Variants in PLCB1 observed in about 807,000 individuals in gnomAD.
The protein encoded by PLCB1 is phospholipase C beta 1.
PLCB1 carries 46 observed loss-of-function variants against 161.8 expected under a neutral mutation model. The ratio of observed to expected loss-of-function variants is 0.28; its 90% CI spans 0.22 to 0.36. The LOEUF (loss-of-function observed/expected upper bound fraction) is 0.36, where lower values mean the gene tolerates loss of function less well. Ranked by LOEUF, PLCB1 falls within the 10% of genes least tolerant of loss-of-function variation. The probability of loss-of-function intolerance (pLI) is 1.00; values close to 1 mark genes in which losing one functional copy is unlikely to be tolerated. For missense variants in PLCB1, 1,016 were observed against 1,472.5 expected (o/e 0.69, Z 5.07); for synonymous variants, 517 against 503.7 (o/e 1.03, Z -0.35).
At chr20:8,730,045 A>C in intron 18 of PLCB1, 1 of 152,110 alleles carries the variant, frequency 6.6e-6, no homozygotes, top group East Asian at 1.9e-4. Context: ...TTCTGCTTTT[A>C]TGAATTACAT....
At position 8,720,038 on chromosome 20, in the gene PLCB1, A is replaced by G. The variant is rs192985789; in HGVS notation, c.1513+2190A>G. 3.7e-3 allele frequency among the ~76,000 whole-genome samples: 558 copies of G among 152,146 alleles called. 5 individuals carry two copies. Among genetic ancestry groups the G allele is most frequent in the Admixed American group, 0.024 (365 of 15,286 alleles). On this transcript the variant is annotated intron_variant, in intron 14 of 31. Coordinates refer to ENST00000338037, the MANE Select transcript of PLCB1 (RefSeq NM_015192.4). ...ATCATTATTGTGCATGTCTTTCAAC[A>G]TTTTTTCAAAAATAATTTCTGTACT...
In PLCB1 at chr20:8,717,802, C is replaced by T. The variant is rs1319689571; in HGVS notation, c.1467C>T (p.Thr489=). 6.2e-7 allele frequency: 1 copy of T among 1,613,854 alleles called. No individual in the cohort carries two copies. Among genetic ancestry groups the T allele is most frequent in the Admixed American group, 1.7e-5 (1 of 59,972 alleles). Residue 489 remains threonine, a synonymous_variant, in exon 14 of 32, where the codon ACC becomes ACT. Transcript: ENST00000338037. ...AGCTCTCAGAACAAGCCTCCAACAC[C>T]TACAGTGACTCCTCCAGCATGTTCG... ...KKKLSEQASN[T]YSDSSSMFEP... is the part of the protein sequence containing the mutation.
chr20:8,765,298 A>C lies in PLCB1; in HGVS notation c.2870A>C (p.Asn957Thr). The change falls in exon 26 of 32, where the codon AAT (asparagine) becomes ACT (threonine). Residue 957 changes from asparagine (N) to threonine (T), a missense_variant. Physicochemically the swap from Asn to Thr is moderately conservative, Grantham distance 65. Around this residue, in one of 10 missense-constraint regions of PLCB1, gnomAD observed 398 missense variants for 445.4 expected, o/e 0.89. Coordinates refer to ENST00000338037, the MANE Select transcript of PLCB1 (RefSeq NM_015192.4). ...ACTACCAAGTATAATGAAATTCAGAATGACTACTTGAGAAGGAGAGCCGCT... is the reference window on the plus strand; with the variant it reads ...ACTACCAAGTATAATGAAATTCAGACTGACTACTTGAGAAGGAGAGCCGCT... ...EHTTKYNEIQ[N>T]DYLRRRAALE... is the part of the protein sequence containing the mutation. The C allele has an allele frequency of 6.2e-7, 1 of 1,614,186 alleles. No individual in the cohort carries two copies. The highest frequency in any genetic ancestry group is 2.2e-5 in the East Asian group (1 of 44,880).
chr20:8,391,765 A>G (rs1252738201), intron 3 of PLCB1, among the ~76,000 whole-genome samples: 1 of 32,310 alleles, frequency 3.1e-5, no homozygotes, highest in African/African-American at 1.5e-4. Context: ...ATAATGAAGT[A>G]TATATATATA....
chr20:8,164,182 TG>T (rs2051653822), intron 2 of PLCB1, among the ~76,000 whole-genome samples: 1 of 152,180 alleles, frequency 6.6e-6, no homozygotes, highest in Non-Finnish European at 1.5e-5. Context: ...TATGAGTCCT[TG>T]GCAAAGGATT....
intron 3 of PLCB1, among the ~76,000 whole-genome samples, chr20:8,461,435 C>T (rs1390386010): frequency 1.3e-5 from 2 of 152,132 alleles, no homozygotes; most frequent in African/African-American, 4.8e-5. Flanking sequence ...TTCCTCATCT[C>T]AAAATAGCAA....
chr20:8,835,826 C>G (rs1986256808), intron 31 of PLCB1, among the ~76,000 whole-genome samples: 1 of 101,062 alleles, frequency 9.9e-6, no homozygotes, highest in African/African-American at 2.7e-5. Flanking sequence ...TGAGCTTTGG[C>G]TGCATAACAA....
chr20:8,555,670 T>C (rs879746685), intron 3 of PLCB1, among the ~76,000 whole-genome samples: 1 of 152,132 alleles, frequency 6.6e-6, no homozygotes, highest in African/African-American at 2.4e-5. Flanking sequence ...TTTGTGTTAA[T>C]GATAAGGTAA....
chr20:8,195,237 G>A (rs1485298923), intron 2 of PLCB1, among the ~76,000 whole-genome samples: 1 of 151,950 alleles, frequency 6.6e-6, no homozygotes, highest in African/African-American at 2.4e-5. Flanking sequence ...TTCAAAAAAG[G>A]CTCAGAAGAT....
intron 18 of PLCB1, among the ~76,000 whole-genome samples, chr20:8,730,627 C>T (rs1391920686): frequency 6.6e-6 from 1 of 151,402 alleles, no homozygotes; most frequent in African/African-American, 2.4e-5. Context: ...TTTTCCTTGA[C>T]TACTAAAAAA....
intron 4 of PLCB1, among the ~76,000 whole-genome samples, chr20:8,639,228 T>A (rs949481378): frequency 1.3e-5 from 2 of 152,172 alleles, no homozygotes; most frequent in Non-Finnish European, 2.9e-5. Flanking sequence ...ATGTGCAGAA[T>A]GAGGTCATGC....
At chr20:8,581,245 T>C (rs1318240864) in intron 3 of PLCB1, among the ~76,000 whole-genome samples, 2 of 152,214 alleles carry the variant, frequency 1.3e-5, no homozygotes, top group Non-Finnish European at 2.9e-5. Flanking sequence ...TGTATTCATG[T>C]AGCTGAGAAC....
rs996652929 is a variant in PLCB1, at chr20:8,841,968, A to G, written c.3424-39654A>G. 2.0e-5 allele frequency among the ~76,000 whole-genome samples: 3 copies of G among 152,136 alleles called. No individual in the cohort carries two copies. The South Asian group carries it at 6.2e-4, about 32-fold the overall frequency. The stretch of plus-strand genomic sequence containing the variant: ...TTTGGGGATAATAGAGAGTAAATGG[A>G]AATAAGACATTAACATTGCCCAACC... On this transcript the variant is annotated intron_variant, in intron 31 of 31. Coordinates refer to ENST00000338037, the MANE Select transcript of PLCB1 (RefSeq NM_015192.4).
At chr20:8,677,914 A>G (rs1051874102) in intron 9 of PLCB1, among the ~76,000 whole-genome samples, 1 of 152,216 alleles carries the variant, frequency 6.6e-6, no homozygotes, top group African/African-American at 2.4e-5. Flanking sequence ...TTAACAATTA[A>G]AGGGGAAGAC....
intron 3 of PLCB1, among the ~76,000 whole-genome samples, chr20:8,511,397 A>G (rs1983888670): frequency 6.6e-6 from 1 of 152,178 alleles, no homozygotes; most frequent in South Asian, 2.1e-4. Flanking sequence ...AAATATATAT[A>G]AAACATTTCT....
chr20:8,733,361 A>G lies in PLCB1; in HGVS notation c.2012A>G (p.Asp671Gly). The G allele has an allele frequency of 1.2e-6, 2 of 1,614,088 alleles. No homozygotes were observed. Among genetic ancestry groups the G allele is most frequent in the Non-Finnish European group, 1.7e-6 (2 of 1,179,978 alleles). Residue 671 changes from aspartate (D) to glycine (G), a missense_variant, in exon 19 of 32, where the codon GAT (aspartate) becomes GGT (glycine). Transcript: ENST00000338037. ...GATCCATTTACTGAAGGCATCGTAG[A>G]TGGGATAGTGGCAAACACTTTGTCT... The part of the protein sequence containing the change: ...HFDPFTEGIV[D>G]GIVANTLSVK...
At position 8,483,601 on chromosome 20, in the gene PLCB1, A is replaced by C. The variant is rs142514381; in HGVS notation, c.246+112151A>C. 1.6e-3 allele frequency among the ~76,000 whole-genome samples: 238 copies of C among 152,294 alleles called. 2 individuals carry two copies. The highest frequency in any genetic ancestry group is 6.8e-3 in the Middle Eastern group (2 of 294). On this transcript the variant is annotated intron_variant, in intron 3 of 31. Transcript: ENST00000338037. ...GTTTTTTGGGGAGATCTTCCTAGTT[A>C]AAAATATTGAGCTAATATCTAAACT...
At chr20:8,469,413 T>C (rs777524531) in intron 3 of PLCB1, among the ~76,000 whole-genome samples, 6 of 152,170 alleles carry the variant, frequency 3.9e-5, no homozygotes, top group Non-Finnish European at 7.4e-5. Flanking sequence ...ATCCTAGTCG[T>C]GTTATTCTCA....
intron 3 of PLCB1, among the ~76,000 whole-genome samples, chr20:8,430,734 C>G (rs781408651): frequency 3.9e-5 from 6 of 152,142 alleles, no homozygotes; most frequent in Non-Finnish European, 8.8e-5. Context: ...GGGAGGATCA[C>G]TTGAGGCCAG....
Sources: gnomAD v4.1 joint callset for allele counts (sites outside exome capture counted in the v4.1 genomes callset) on GRCh38, gnomAD v4.1.1 for gene constraint, gnomAD v4.1.1 regional missense constraint, MANE v1.5 for transcripts, NCBI Gene and HGNC (gene_info 2026-07-23, HGNC 2026-07-21) for gene names.